OGDH: variants seen among roughly 807,000 people sequenced by gnomAD.
OGDH encodes 2-oxoglutarate dehydrogenase complex component E1.
OGDH carries 38 observed loss-of-function variants against 116.6 expected under a neutral mutation model. The ratio of observed to expected loss-of-function variants is 0.33; its 90% CI spans 0.25 to 0.43. The LOEUF (loss-of-function observed/expected upper bound fraction) is 0.43, where lower values mean the gene tolerates loss of function less well. OGDH is among the 20% of genes least tolerant of loss of function. The pLI is 1.00. For missense variants in OGDH, 825 were observed against 1,357.2 expected (o/e 0.61, Z 6.16); for synonymous variants, 488 against 533.3 (o/e 0.92, Z 1.17).
At chr7:44,627,515 G>A (rs1202009411) in intron 2 of OGDH, among the ~76,000 whole-genome samples, 2 of 152,266 alleles carry the variant, frequency 1.3e-5, no homozygotes, top group South Asian at 2.1e-4. Flanking sequence ...CTCATCTTCT[G>A]TTTAAACATC....
intron 1 of OGDH, among the ~76,000 whole-genome samples, chr7:44,616,376 A>G (rs1430710483): frequency 1.3e-5 from 2 of 152,190 alleles, no homozygotes; most frequent in Non-Finnish European, 2.9e-5. Flanking sequence ...CTTCAGACCT[A>G]TATACTGAAG....
chr7:44,680,387 G>A (rs1186669470), intron 9 of OGDH, among the ~76,000 whole-genome samples: 1 of 152,092 alleles, frequency 6.6e-6, no homozygotes, highest in Non-Finnish European at 1.5e-5. Context: ...TGTGGCATTG[G>A]GGACACTGAG....
intron 10 of OGDH, among the ~76,000 whole-genome samples, chr7:44,689,948 A>G (rs1183058966): frequency 6.6e-6 from 1 of 152,194 alleles, no homozygotes; most frequent in Non-Finnish European, 1.5e-5. Flanking sequence ...GCTTTGCCTA[A>G]TCCGAGGTCA....
intron 20 of OGDH, among the ~76,000 whole-genome samples, chr7:44,703,098 G>A (rs1416026233): frequency 6.6e-6 from 1 of 152,108 alleles, no homozygotes; most frequent in Non-Finnish European, 1.5e-5. Context: ...ATGTTGTGTA[G>A]CATGTGTCAG....
chr7:44,613,682 G>A lies in OGDH; in HGVS notation c.-28+7029G>A, dbSNP rs560655567. Among the ~76,000 whole-genome samples the A allele has an allele frequency of 3.6e-3, 544 of 151,724 alleles. 1 individual carries two copies. Among genetic ancestry groups the A allele is most frequent in the Non-Finnish European group, 4.0e-3 (274 of 67,938 alleles). On this transcript the variant is annotated intron_variant, in intron 1 of 22. Transcript: ENST00000222673. ...CTATAATTTTTATATTTTTAGTCGAGATGGGGTTTCACCATGTTGGCCAGG... is the reference window on the plus strand; with the variant it reads ...CTATAATTTTTATATTTTTAGTCGAAATGGGGTTTCACCATGTTGGCCAGG...
intron 1 of OGDH, among the ~76,000 whole-genome samples, chr7:44,616,890 T>A (rs1388495749): frequency 1.5e-5 from 2 of 134,898 alleles, no homozygotes; most frequent in Non-Finnish European, 3.2e-5. Context: ...TATATGTATA[T>A]ATGTGAGCCG....
chr7:44,670,380 C>T (rs972536201), intron 5 of OGDH, among the ~76,000 whole-genome samples: 3 of 151,922 alleles, frequency 2.0e-5, no homozygotes, highest in African/African-American at 4.8e-5. Context: ...CATTTGGGGT[C>T]GTGATGATGA....
At chr7:44,623,645 TTTTTG>T (rs969027761) in intron 1 of OGDH, among the ~76,000 whole-genome samples, 15 of 152,160 alleles carry the variant, frequency 9.9e-5, no homozygotes, top group African/African-American at 3.1e-4. Context: ...ATTTAATGGT[TTTTTG>T]TTTTGTTTTG....
chr7:44,617,736 G>T (rs996303580), intron 1 of OGDH, among the ~76,000 whole-genome samples: 18 of 152,184 alleles, frequency 1.2e-4, no homozygotes, highest in African/African-American at 4.3e-4. Flanking sequence ...AAAGAAAGTG[G>T]ATGAGTTGTC....
intron 2 of OGDH, among the ~76,000 whole-genome samples, chr7:44,639,620 C>T (rs773548194): frequency 1.2e-4 from 18 of 152,190 alleles, no homozygotes; most frequent in Non-Finnish European, 1.9e-4. Flanking sequence ...CGATACAAAA[C>T]ATTCTATCAC....
In OGDH at chr7:44,642,593, G is replaced by A. The variant is rs1013464766; in HGVS notation, c.223-2734G>A. Among the ~76,000 whole-genome samples, 4 of 152,196 alleles carry A rather than the reference G, an allele frequency of 2.6e-5. No individual in the cohort carries two copies. The East Asian group carries it at 7.7e-4, about 29-fold the overall frequency. Reference sequence around the variant, plus strand: ...AATACACCAGAAATTAACCAGAAAGGTAAAAACCGTAAAACCTCAAATAGT... The same window carrying A: ...AATACACCAGAAATTAACCAGAAAGATAAAAACCGTAAAACCTCAAATAGT... On this transcript the variant is annotated intron_variant, in intron 2 of 22. Coordinates refer to ENST00000222673, the MANE Select transcript of OGDH (RefSeq NM_002541.4).
chr7:44,626,242 A>G (rs1047579026), intron 2 of OGDH, among the ~76,000 whole-genome samples: 2 of 141,910 alleles, frequency 1.4e-5, no homozygotes, highest in African/African-American at 5.1e-5. Flanking sequence ...TTTTGATGTG[A>G]TATCATGGAT....
intron 5 of OGDH, among the ~76,000 whole-genome samples, chr7:44,670,583 TA>T (rs1286564628): frequency 3.3e-5 from 5 of 152,198 alleles, no homozygotes; most frequent in South Asian, 4.1e-4. Context: ...CAAGTGTCTG[TA>T]AAGTTGAGAT....
chr7:44,655,748 A>G (rs1411013774), intron 4 of OGDH, among the ~76,000 whole-genome samples: 1 of 152,234 alleles, frequency 6.6e-6, no homozygotes, highest in Non-Finnish European at 1.5e-5. Context: ...AGCTGTGGAG[A>G]TGCAGCTGTG....
At chr7:44,705,601 C>G (rs1789036397) in intron 20 of OGDH, among the ~76,000 whole-genome samples, 2 of 152,138 alleles carry the variant, frequency 1.3e-5, no homozygotes, top group Admixed American at 6.6e-5. Context: ...CAGGCTGATG[C>G]AATCGTAGCT....
In OGDH at chr7:44,648,450, G is replaced by A. The variant is rs1441656163; in HGVS notation, c.517+691G>A. ...CTGGGCTCTCACCTGCAGTTGCTTT[G>A]CAGAGTTAGTCTGCTTTATGTCACT... On this transcript the variant is annotated intron_variant, in intron 4 of 22. Transcript: ENST00000222673. Among the ~76,000 whole-genome samples, 8 of 152,174 alleles carry A rather than the reference G, an allele frequency of 5.3e-5. 1 individual carries two copies. The highest frequency in any genetic ancestry group is 4.4e-5 in the Non-Finnish European group (3 of 68,032).
chr7:44,646,092 C>A (rs1274542455), intron 3 of OGDH, among the ~76,000 whole-genome samples: 1 of 152,080 alleles, frequency 6.6e-6, no homozygotes. Flanking sequence ...CAAGGTTTTT[C>A]CCCCCATCCT....
chr7:44,641,209 CTTTT>C (rs781147896), intron 2 of OGDH, among the ~76,000 whole-genome samples: 2,003 of 108,576 alleles, frequency 0.018, 45 homozygotes, highest in African/African-American at 0.061. Flanking sequence ...CCTTTTTCTT[CTTTT>C]TTTTTTTTTT....
intron 19 of OGDH, among the ~76,000 whole-genome samples, chr7:44,701,311 G>T (rs533806581): frequency 6.8e-4 from 103 of 152,276 alleles, no homozygotes; most frequent in African/African-American, 2.5e-3. Flanking sequence ...GAGCAGGCTG[G>T]GATGGGCCCT....
Sources: allele counts gnomAD v4.1 joint callset (sites outside exome capture counted in the v4.1 genomes callset), GRCh38; gene constraint gnomAD v4.1.1; transcripts MANE v1.5; gene names NCBI Gene and HGNC (gene_info 2026-07-23, HGNC 2026-07-21).